Variants in CSMD1 observed in about 807,000 individuals in gnomAD.
CSMD1 encodes CUB and Sushi multiple domains 1.
A neutral mutation model predicts 417.5 loss-of-function variants in CSMD1; 213 were observed. The ratio of observed to expected loss-of-function variants is 0.51; its 90% CI spans 0.46 to 0.57. CSMD1 has a LOEUF of 0.57. Among genes scored for constraint, CSMD1 ranks in the 20% least tolerant of loss-of-function variants. The pLI, the probability that CSMD1 is intolerant of heterozygous loss-of-function variation, is 0.00. For synonymous variants in CSMD1, 2,862 were observed against 1,736.8 expected, an observed-to-expected ratio of 1.65 and a Z score of -16.11; for missense variants, 6,923 against 4,529.7, an observed-to-expected ratio of 1.53 and a Z score of -15.17.
intron 12 of CSMD1, among the ~76,000 whole-genome samples, chr8:3,442,596 G>A (rs1376147228): frequency 1.3e-5 from 2 of 152,180 alleles, no homozygotes; most frequent in Non-Finnish European, 2.9e-5. Context: ...TATATCCCAG[G>A]TGGGTAGCAG....
intron 2 of CSMD1, among the ~76,000 whole-genome samples, chr8:4,433,192 C>T (rs1419266684): frequency 6.6e-6 from 1 of 152,168 alleles, no homozygotes. Context: ...ATAACTATTT[C>T]GTTGTGTATT....
intron 25 of CSMD1, among the ~76,000 whole-genome samples, chr8:3,306,173 T>G (rs528640405): frequency 1.3e-4 from 19 of 151,972 alleles, no homozygotes; most frequent in Non-Finnish European, 2.6e-4. Flanking sequence ...TGCAGTGAAG[T>G]AAGTGTATGA....
At chr8:4,226,515 G>C (rs12334711) in intron 3 of CSMD1, among the ~76,000 whole-genome samples, 68,403 of 151,802 alleles carry the variant, frequency 0.45, 16,132 homozygotes, top group East Asian at 0.69. Flanking sequence ...CCTATAATGA[G>C]TCAAAACAAT....
At chr8:3,106,272 A>T (rs1016058808) in intron 46 of CSMD1, among the ~76,000 whole-genome samples, 4 of 151,304 alleles carry the variant, frequency 2.6e-5, no homozygotes, top group Non-Finnish European at 1.5e-5. Flanking sequence ...TGGTGCATGC[A>T]TGTAGTCCCA....
chr8:3,417,733 C>A (rs914770408), intron 12 of CSMD1, among the ~76,000 whole-genome samples: 2 of 152,130 alleles, frequency 1.3e-5, no homozygotes, highest in Non-Finnish European at 2.9e-5. Context: ...TTTTTTTTCC[C>A]TGAGACTTTC....
chr8:4,662,692 G>C (rs999410876), intron 1 of CSMD1, among the ~76,000 whole-genome samples: 1 of 152,100 alleles, frequency 6.6e-6, no homozygotes, highest in African/African-American at 2.4e-5. Flanking sequence ...AGGAGCATTT[G>C]TACACTGCAC....
intron 30 of CSMD1, among the ~76,000 whole-genome samples, chr8:3,206,927 T>A (rs1797326695): frequency 6.6e-6 from 1 of 152,050 alleles, no homozygotes; most frequent in Non-Finnish European, 1.5e-5. Context: ...AGGGGCCAAG[T>A]CAGCTCCCCT....
intron 5 of CSMD1, among the ~76,000 whole-genome samples, chr8:3,876,406 A>G (rs952864161): frequency 6.6e-6 from 1 of 152,172 alleles, no homozygotes; most frequent in Non-Finnish European, 1.5e-5. Context: ...ATTTCTAAAG[A>G]ATTCTGCACT....
chr8:3,378,905 G>C (rs575921678), intron 18 of CSMD1, among the ~76,000 whole-genome samples: 1 of 152,260 alleles, frequency 6.6e-6, no homozygotes, highest in African/African-American at 2.4e-5. Flanking sequence ...AGGGTACTCA[G>C]GCAAGAGAAA....
intron 1 of CSMD1, among the ~76,000 whole-genome samples, chr8:4,848,919 T>G (rs1801305973): frequency 6.6e-6 from 1 of 152,254 alleles, no homozygotes; most frequent in South Asian, 2.1e-4. Flanking sequence ...TTTTTATTGT[T>G]GCTTTAGAAG....
At chr8:3,386,475 G>A (rs903500117) in intron 18 of CSMD1, among the ~76,000 whole-genome samples, 3 of 152,216 alleles carry the variant, frequency 2.0e-5, no homozygotes, top group Admixed American at 6.5e-5. Context: ...CACAGTGCCA[G>A]TTACTGTGTG....
intron 4 of CSMD1, among the ~76,000 whole-genome samples, chr8:4,012,086 T>C (rs113444897): frequency 6.6e-6 from 1 of 152,170 alleles, no homozygotes; most frequent in Non-Finnish European, 1.5e-5. Flanking sequence ...AGCTATATTG[T>C]AGACATAGCC....
At chr8:3,164,933 T>C (rs919347536) in intron 37 of CSMD1, among the ~76,000 whole-genome samples, 6 of 152,060 alleles carry the variant, frequency 3.9e-5, no homozygotes, top group African/African-American at 1.2e-4. Context: ...TTCTCCTTTC[T>C]TGAATTCTAT....
rs138994139 is a variant in CSMD1, at chr8:4,567,480, C to A, written c.302+69862G>T. Among the ~76,000 whole-genome samples, 119 of 152,226 alleles carry A rather than the reference C, an allele frequency of 7.8e-4. 2 individuals are homozygous for A. The highest frequency in any genetic ancestry group is 3.8e-3 in the Admixed American group (58 of 15,294). On this transcript the variant is annotated intron_variant, in intron 2 of 69. Transcript: ENST00000635120. ...TGGAAGGAGGAAGAAAAGAGCAATT[C>A]CAATGTACTACTTCTTCCCACTCCA...
At chr8:4,128,429 G>C (rs763920009) in intron 3 of CSMD1, among the ~76,000 whole-genome samples, 6 of 152,280 alleles carry the variant, frequency 3.9e-5, no homozygotes, top group African/African-American at 1.4e-4. Flanking sequence ...TGGGAAAGTT[G>C]CAAGACAACT....
intron 5 of CSMD1, among the ~76,000 whole-genome samples, chr8:3,768,843 A>T: frequency 6.6e-6 from 1 of 152,228 alleles, no homozygotes; most frequent in Non-Finnish European, 1.5e-5. Context: ...ATAGTCTAAA[A>T]GAAAAAATGC....
At chr8:4,898,853 GGTTT>G (rs1204502947) in intron 1 of CSMD1, among the ~76,000 whole-genome samples, 2 of 151,858 alleles carry the variant, frequency 1.3e-5, no homozygotes, top group Admixed American at 1.3e-4. Context: ...ATGACAGTGT[GGTTT>G]ATTTGTCTAA....
chr8:3,202,913 G>A (rs1585642307), intron 31 of CSMD1, among the ~76,000 whole-genome samples: 1 of 152,116 alleles, frequency 6.6e-6, no homozygotes, highest in Non-Finnish European at 1.5e-5. Flanking sequence ...TAGATGAAAT[G>A]CTCTAAAAAC....
At chr8:3,141,492 C>G (rs11786190) in intron 41 of CSMD1, among the ~76,000 whole-genome samples, 118,012 of 152,064 alleles carry the variant, frequency 0.78, 46,005 homozygotes, top group East Asian at 0.85. Context: ...TAACAAATTA[C>G]CTGTAAGATT....
Sources: gnomAD v4.1 joint callset for allele counts (sites outside exome capture counted in the v4.1 genomes callset) on GRCh38, gnomAD v4.1.1 for gene constraint, MANE v1.5 for transcripts, NCBI Gene and HGNC (gene_info 2026-07-23, HGNC 2026-07-21) for gene names.